The following THSD7A variants were observed in gnomAD, a reference collection of about 807,000 sequenced individuals.
THSD7A encodes the protein thrombospondin type-1 domain-containing protein 7A.
A neutral mutation model predicts 231.3 loss-of-function variants in THSD7A; 96 were observed. That is an observed-to-expected ratio of 0.41 (90% CI 0.35 to 0.49). The LOEUF (loss-of-function observed/expected upper bound fraction) is 0.49, where lower values mean the gene tolerates loss of function less well. THSD7A is among the 20% of genes least tolerant of loss of function. The pLI is 0.05. For missense variants in THSD7A, 2,290 were observed against 2,070.2 expected (o/e 1.11, Z -2.06); for synonymous variants, 940 against 743.3 (o/e 1.26, Z -4.30).
chr7:11,617,723 G>A (rs1027771551), intron 2 of THSD7A, among the ~76,000 whole-genome samples: 26 of 152,110 alleles, frequency 1.7e-4, no homozygotes, highest in Admixed American at 9.8e-4. Flanking sequence ...TAGGGACATG[G>A]ATGAAGCTGG....
chr7:11,665,844 T>C (rs1355929488), intron 1 of THSD7A, among the ~76,000 whole-genome samples: 2 of 152,036 alleles, frequency 1.3e-5, no homozygotes, highest in Non-Finnish European at 2.9e-5. Context: ...AATTTGCATA[T>C]AGAATGATAA....
chr7:11,585,696 A>T (rs1779862432), intron 4 of THSD7A, among the ~76,000 whole-genome samples: 1 of 152,170 alleles, frequency 6.6e-6, no homozygotes, highest in South Asian at 2.1e-4. Context: ...GCCAGAGCCT[A>T]TTCCGTCAGT....
At chr7:11,409,452 G>GTCA (rs1320587798) in intron 19 of THSD7A, among the ~76,000 whole-genome samples, 1 of 152,196 alleles carries the variant, frequency 6.6e-6, no homozygotes, top group Non-Finnish European at 1.5e-5. Flanking sequence ...TAAGCTTAAA[G>GTCA]TCATCTAGGC....
intron 1 of THSD7A, among the ~76,000 whole-genome samples, chr7:11,701,559 C>T (rs1780601015): frequency 6.6e-6 from 1 of 150,890 alleles, no homozygotes; most frequent in African/African-American, 2.4e-5. Flanking sequence ...GGAAACTGAT[C>T]GTTATGCAAA....
intron 9 of THSD7A, among the ~76,000 whole-genome samples, chr7:11,463,213 T>C (rs2128298875): frequency 6.6e-6 from 1 of 152,306 alleles, no homozygotes. Context: ...TATGATTTGA[T>C]GATTAGAACA....
intron 1 of THSD7A, among the ~76,000 whole-genome samples, chr7:11,654,842 T>C (rs549190891): frequency 3.3e-5 from 5 of 152,022 alleles, no homozygotes; most frequent in South Asian, 2.1e-4. Flanking sequence ...ACTCTGGCAT[T>C]AATACACATG....
chr7:11,811,202 C>T (rs924901689), intron 1 of THSD7A, among the ~76,000 whole-genome samples: 4 of 152,092 alleles, frequency 2.6e-5, no homozygotes, highest in African/African-American at 9.7e-5. Flanking sequence ...ATTTCCTATG[C>T]ACATTAACCG....
chr7:11,737,254 C>A (rs1781947453), intron 1 of THSD7A, among the ~76,000 whole-genome samples: 1 of 151,958 alleles, frequency 6.6e-6, no homozygotes. Context: ...TCAGATCAGA[C>A]TGAGAGAACT....
At chr7:11,678,784 T>C (rs1276093859) in intron 1 of THSD7A, among the ~76,000 whole-genome samples, 2 of 152,150 alleles carry the variant, frequency 1.3e-5, no homozygotes, top group African/African-American at 4.8e-5. Flanking sequence ...GAGGAGCTGG[T>C]ACCATTCCTC....
At chr7:11,790,815 A>G (rs777971128) in intron 1 of THSD7A, among the ~76,000 whole-genome samples, 57 of 152,162 alleles carry the variant, frequency 3.7e-4, no homozygotes, top group Admixed American at 9.2e-4. Context: ...TTCTGATAAG[A>G]TAGTGAGGCA....
At chr7:11,542,085 G>A (rs1291957077) in intron 5 of THSD7A, among the ~76,000 whole-genome samples, 2 of 152,220 alleles carry the variant, frequency 1.3e-5, no homozygotes, top group African/African-American at 4.8e-5. Flanking sequence ...AATGTCACAT[G>A]ATTAAATTTG....
At chr7:11,560,007 A>T (rs1248431692) in intron 4 of THSD7A, among the ~76,000 whole-genome samples, 1 of 152,194 alleles carries the variant, frequency 6.6e-6, no homozygotes, top group Non-Finnish European at 1.5e-5. Flanking sequence ...TGTTTATAAT[A>T]GCAAGTATCT....
At position 11,546,202 on chromosome 7, in the gene THSD7A, G is replaced by GCGCACGCGCACACACACACA. The variant is rs761841418; in HGVS notation, c.1454-3086_1454-3085insTGTGTGTGTGTGCGCGTGCG. Among the ~76,000 whole-genome samples the GCGCACGCGCACACACACACA allele has an allele frequency of 4.3e-3, 554 of 129,446 alleles. 3 individuals are homozygous for GCGCACGCGCACACACACACA. Among genetic ancestry groups the GCGCACGCGCACACACACACA allele is most frequent in the Non-Finnish European group, 7.6e-3 (452 of 59,804 alleles). 84.9% of individuals were successfully genotyped at this position (129,446 alleles called of 152,430 possible). On this transcript the variant is annotated intron_variant, in intron 4 of 27. Transcript: ENST00000423059. The stretch of plus-strand genomic sequence containing the variant: ...TCTGTTGTTGCTGGTGTGGGCGCGC[G>GCGCACGCGCACACACACACA]CTCACACACACACACACACACACAC...
chr7:11,379,399 C>T (rs952054468), intron 25 of THSD7A, 119 bp from the exon 26 acceptor site: 2 of 1,001,658 alleles, frequency 2.0e-6, no homozygotes, highest in Admixed American at 2.5e-5. Context: ...ATACATAATT[C>T]CTCTATTATT....
At chr7:11,531,004 C>G (rs73068931) in intron 6 of THSD7A, among the ~76,000 whole-genome samples, 11,264 of 152,166 alleles carry the variant, frequency 0.074, 552 homozygotes, top group Middle Eastern at 0.15. Context: ...GACCAAGACT[C>G]TGTCACAAAA....
chr7:11,599,680 T>C (rs1488472703), intron 2 of THSD7A, among the ~76,000 whole-genome samples: 1 of 152,170 alleles, frequency 6.6e-6, no homozygotes, highest in Non-Finnish European at 1.5e-5. Flanking sequence ...TATTTTAAGA[T>C]TATGTATCAT....
At position 11,636,875 on chromosome 7, in the gene THSD7A, T is replaced by C. The variant is rs1324074123; in HGVS notation, c.277A>G (p.Thr93Ala). The C allele has an allele frequency of 6.2e-7, 1 of 1,613,914 alleles. No individual in the cohort carries two copies. The highest frequency in any genetic ancestry group is 8.5e-7 in the Non-Finnish European group (1 of 1,179,882). ...AVWCAHVEGWTTLHTNCKQAE... is the reference protein window; with the variant it reads ...AVWCAHVEGWATLHTNCKQAE... ...TGCTTACAGTTAGTATGCAGTGTAGTCCATCCCTCCACATGAGCACACCAC... is the reference window on the plus strand; with the variant it reads ...TGCTTACAGTTAGTATGCAGTGTAGCCCATCCCTCCACATGAGCACACCAC... The change falls in exon 2 of 28, where the codon ACT becomes GCT. Residue 93 changes from threonine (T) to alanine (A), a missense_variant. Transcript: ENST00000423059. The surrounding 1 kb of genome is among the most constrained non-coding windows in gnomAD (Gnocchi z 10.0).
chr7:11,512,318 C>T (rs1047233328), intron 6 of THSD7A, among the ~76,000 whole-genome samples: 4 of 152,092 alleles, frequency 2.6e-5, no homozygotes, highest in Admixed American at 6.6e-5. Context: ...GAAATAGGAA[C>T]AATTTTACAC....
At chr7:11,609,040 A>C (rs1780832993) in intron 2 of THSD7A, among the ~76,000 whole-genome samples, 1 of 152,176 alleles carries the variant, frequency 6.6e-6, no homozygotes, top group African/African-American at 2.4e-5. Context: ...CAGGTTTATG[A>C]GGATAAACTG....
Sources: gnomAD v4.1 joint callset for allele counts (sites outside exome capture counted in the v4.1 genomes callset) on GRCh38, gnomAD v4.1.1 for gene constraint, Gnocchi (gnomAD v3.1) non-coding constraint, MANE v1.5 for transcripts, NCBI Gene and HGNC (gene_info 2026-07-23, HGNC 2026-07-21) for gene names.